The following BAALC variants were observed in gnomAD, a reference collection of about 807,000 sequenced individuals.
The protein encoded by BAALC is brain and acute leukemia cytoplasmic protein.
BAALC carries 9 observed loss-of-function variants against 15.5 expected under a neutral mutation model. That is an observed-to-expected ratio of 0.58 (90% CI 0.35 to 1.02). The LOEUF is 1.02. Among genes scored for constraint, BAALC ranks in the 50% least tolerant of loss-of-function variants. The pLI is 0.02. For missense variants in BAALC, 201 were observed against 192.4 expected (o/e 1.04, Z -0.27); for synonymous variants, 80 against 74.6 (o/e 1.07, Z -0.37).
chr8:103,178,112 A>T (rs1022083590), intron 1 of BAALC, among the ~76,000 whole-genome samples: 2 of 152,216 alleles, frequency 1.3e-5, no homozygotes, highest in Non-Finnish European at 2.9e-5. Flanking sequence ...AAAGCAGAGG[A>T]CTATATCAAA....
chr8:103,189,121 C>T (rs1452774795), intron 1 of BAALC, among the ~76,000 whole-genome samples: 6 of 152,130 alleles, frequency 3.9e-5, no homozygotes, highest in African/African-American at 1.2e-4. Flanking sequence ...ATAGAAACTC[C>T]TTTCTGTTTA....
intron 2 of BAALC, among the ~76,000 whole-genome samples, chr8:103,216,164 T>A (rs1015944194): frequency 1.3e-5 from 2 of 152,230 alleles, no homozygotes; most frequent in Non-Finnish European, 2.9e-5. Context: ...AATTTACCCA[T>A]TTTACTTGAT....
intron 1 of BAALC, among the ~76,000 whole-genome samples, chr8:103,144,755 T>C (rs1490893360): frequency 2.0e-5 from 3 of 152,216 alleles, no homozygotes; most frequent in South Asian, 4.1e-4. Context: ...CTTAGTATAA[T>C]AGAGGTTTGC....
At chr8:103,214,012 G>C (rs775873040) in intron 2 of BAALC, among the ~76,000 whole-genome samples, 3 of 152,208 alleles carry the variant, frequency 2.0e-5, no homozygotes, top group Non-Finnish European at 4.4e-5. Flanking sequence ...GGCTATCTAT[G>C]AGATAAAGAA....
At chr8:103,216,359 C>T (rs1812555597) in intron 2 of BAALC, among the ~76,000 whole-genome samples, 1 of 152,178 alleles carries the variant, frequency 6.6e-6, no homozygotes, top group Admixed American at 6.5e-5. Flanking sequence ...AGTGGTTATG[C>T]TGCTTTATAC....
At chr8:103,219,772 A>G (rs541028283) in intron 2 of BAALC, among the ~76,000 whole-genome samples, 6 of 152,206 alleles carry the variant, frequency 3.9e-5, no homozygotes, top group Non-Finnish European at 8.8e-5. Flanking sequence ...AAATACATTC[A>G]CAGAATTTGA....
At chr8:103,226,134 G>C (rs1015541359) in intron 2 of BAALC, among the ~76,000 whole-genome samples, 1 of 152,186 alleles carries the variant, frequency 6.6e-6, no homozygotes, top group Non-Finnish European at 1.5e-5. Context: ...ATGTTCCCAG[G>C]AGGCAGACCA....
At chr8:103,184,927 G>A (rs1432359118) in intron 1 of BAALC, among the ~76,000 whole-genome samples, 2 of 152,184 alleles carry the variant, frequency 1.3e-5, no homozygotes, top group African/African-American at 2.4e-5. Flanking sequence ...TGGGAACTGG[G>A]TAATAAGAAT....
intron 1 of BAALC, chr8:103,153,289 CAAG>C (rs1408850777): frequency 6.6e-6 from 1 of 152,074 alleles, no homozygotes; most frequent in Non-Finnish European, 1.5e-5. Context: ...TTTCCAGGAA[CAAG>C]AAGGGGGAAA....
intron 1 of BAALC, among the ~76,000 whole-genome samples, chr8:103,158,741 G>T (rs555872246): frequency 3.3e-5 from 5 of 152,092 alleles, no homozygotes; most frequent in Non-Finnish European, 5.9e-5. Context: ...AAGCAGGACA[G>T]CAAGATATTT....
intron 1 of BAALC, among the ~76,000 whole-genome samples, chr8:103,203,622 C>A (rs370766206): frequency 6.6e-6 from 1 of 152,120 alleles, no homozygotes; most frequent in African/African-American, 2.4e-5. Flanking sequence ...ATAACCACTA[C>A]TTTTCTATCT....
intron 1 of BAALC, among the ~76,000 whole-genome samples, chr8:103,177,862 C>T (rs906891131): frequency 2.0e-5 from 3 of 152,194 alleles, no homozygotes; most frequent in African/African-American, 7.2e-5. Flanking sequence ...ATTCTAAGAG[C>T]TTTGTGTATA....
chr8:103,198,614 T>A (rs1227957306), intron 1 of BAALC, among the ~76,000 whole-genome samples: 1 of 152,092 alleles, frequency 6.6e-6, no homozygotes, highest in South Asian at 2.1e-4. Context: ...TTTTTAAACA[T>A]AAAAGCTGGC....
chr8:103,150,659 C>A (rs1810966734), intron 1 of BAALC, among the ~76,000 whole-genome samples: 2 of 152,314 alleles, frequency 1.3e-5, no homozygotes, highest in South Asian at 4.1e-4. Flanking sequence ...GATTAGGTTG[C>A]CTACCAGTCT....
intron 2 of BAALC, 87 bp downstream of exon 2, chr8:103,213,172 AGGGAGGGACCAGG>A: frequency 7.1e-7 from 1 of 1,409,924 alleles, no homozygotes; most frequent in Non-Finnish European, 9.6e-7. Context: ...CGCTATGTCC[AGGGAGGGACCAGG>A]GATGGCTCAT....
At chr8:103,191,292 G>C (rs77330500) in intron 1 of BAALC, 1 of 152,042 alleles carries the variant, frequency 6.6e-6, no homozygotes, top group Non-Finnish European at 1.5e-5. Context: ...CCACCTTCTC[G>C]GTGATGCATG....
At chr8:103,164,785 G>A (rs901679128) in intron 1 of BAALC, among the ~76,000 whole-genome samples, 4 of 152,266 alleles carry the variant, frequency 2.6e-5, no homozygotes, top group South Asian at 4.1e-4. Context: ...CAAGTGGAAC[G>A]AATCTCTGTT....
rs1347753898 is a variant in BAALC at position 103,205,853 on chromosome 8, A to AT, written c.161-7065dup. Among the ~76,000 whole-genome samples, 8 of 152,224 alleles carry AT rather than the reference A, an allele frequency of 5.3e-5. No individual in the cohort carries two copies. In the East Asian group the frequency reaches 1.3e-3, roughly 26 times the overall value. On this transcript the variant is annotated intron_variant, in intron 1 of 2. Transcript: ENST00000309982. ...AAACTTCAATTTCTTCTTCTGTAAA[A>AT]TAAGGGTAATTCTCCTGTCTCCCCA...
At chr8:103,190,053 G>A (rs992394740) in intron 1 of BAALC, among the ~76,000 whole-genome samples, 2 of 152,130 alleles carry the variant, frequency 1.3e-5, no homozygotes, top group African/African-American at 2.4e-5. Flanking sequence ...CGTGTCAGAC[G>A]TGATTATAGG....
Sources: allele counts gnomAD v4.1 joint callset (sites outside exome capture counted in the v4.1 genomes callset), GRCh38; gene constraint gnomAD v4.1.1; transcripts MANE v1.5; gene names NCBI Gene and HGNC (gene_info 2026-07-23, HGNC 2026-07-21).